INSYN2B: variants seen among roughly 807,000 people sequenced by gnomAD.
INSYN2B encodes inhibitory synaptic factor family member 2B.
Under a neutral mutation model 41.2 loss-of-function variants are expected in INSYN2B, and 16 were observed. The ratio of observed to expected loss-of-function variants is 0.39; its 90% confidence interval spans 0.26 to 0.59. The LOEUF is 0.59. Ranked by LOEUF, INSYN2B falls within the 20% of genes least tolerant of loss-of-function variation. The pLI is 0.57. For missense variants in INSYN2B, 608 were observed against 646.4 expected (o/e 0.94, Z 0.64); for synonymous variants, 245 against 244.4 (o/e 1.00, Z -0.02).
intron 2 of INSYN2B, 56 bp from the exon 3 acceptor site, chr5:169,881,498 A>G: frequency 7.2e-7 from 1 of 1,384,444 alleles, no homozygotes; most frequent in Non-Finnish European, 1.0e-6. Flanking sequence ...CGTGGGCCAC[A>G]AACATTCAAC....
chr5:169,930,059 C>G (rs1490896335), intron 1 of INSYN2B, among the ~76,000 whole-genome samples: 1 of 152,164 alleles, frequency 6.6e-6, no homozygotes, highest in Non-Finnish European at 1.5e-5. Flanking sequence ...GGCACGATCT[C>G]AGCTCACTGC....
At chr5:169,919,960 G>T (rs1401964004) in intron 1 of INSYN2B, among the ~76,000 whole-genome samples, 2 of 152,194 alleles carry the variant, frequency 1.3e-5, no homozygotes, top group African/African-American at 4.8e-5. Flanking sequence ...ACTACACTTT[G>T]TGTTAATGAA....
chr5:169,865,129 C>A (rs1343189898), intron 3 of INSYN2B, among the ~76,000 whole-genome samples: 1 of 152,176 alleles, frequency 6.6e-6, no homozygotes, highest in East Asian at 1.9e-4. Flanking sequence ...TTCCTCAATA[C>A]AGTGTATTTA....
chr5:169,979,156 C>T (rs1025188293), intron 1 of INSYN2B, among the ~76,000 whole-genome samples: 3 of 152,250 alleles, frequency 2.0e-5, no homozygotes, highest in South Asian at 4.1e-4. Context: ...TCCCTCCACC[C>T]CTCTGTTCCC....
At chr5:169,904,570 C>T (rs1223723355) in intron 1 of INSYN2B, among the ~76,000 whole-genome samples, 4 of 152,062 alleles carry the variant, frequency 2.6e-5, no homozygotes, top group Non-Finnish European at 5.9e-5. Context: ...TGCTGGCGAC[C>T]TCAGCAGCAC....
At chr5:169,948,074 G>A (rs1306039532) in intron 1 of INSYN2B, among the ~76,000 whole-genome samples, 1 of 152,040 alleles carries the variant, frequency 6.6e-6, no homozygotes, top group Non-Finnish European at 1.5e-5. Context: ...GTAAGGCACC[G>A]AGAGAAGAGC....
rs1399492344 is a variant in INSYN2B at position 169,961,976 on chromosome 5, C to CT, written c.-919+18300_-919+18301insA. On this transcript the variant is annotated intron_variant, in intron 1 of 3. Transcript: ENST00000377365. ...CCTGGGTGAAAAAGTGAGACTCTGT[C>CT]CCAAAAAAAAAAAAAAAAATGGAGA... 7.3e-3 allele frequency among the ~76,000 whole-genome samples: 96 copies of CT among 13,172 alleles called. 20 individuals carry two copies. The African/African-American group carries it at 0.18, about 24-fold the overall frequency. The allele number at this position is 13,172 out of a possible 152,430, so 8.6% of individuals were successfully genotyped here. A position where few individuals can be genotyped will look rare whatever the true frequency, so the allele number is the denominator to read the frequency against.
intron 3 of INSYN2B, among the ~76,000 whole-genome samples, chr5:169,867,949 A>G (rs964707538): frequency 6.6e-6 from 1 of 152,180 alleles, no homozygotes; most frequent in African/African-American, 2.4e-5. Flanking sequence ...CACCAGGAAC[A>G]CACATAGTTC....
intron 1 of INSYN2B, among the ~76,000 whole-genome samples, chr5:169,954,399 A>G (rs981014045): frequency 6.6e-6 from 1 of 152,120 alleles, no homozygotes; most frequent in Non-Finnish European, 1.5e-5. Context: ...ATCTATTTTG[A>G]TTTTTCAGTT....
At chr5:169,974,228 A>T (rs2113770501) in intron 1 of INSYN2B, among the ~76,000 whole-genome samples, 1 of 152,338 alleles carries the variant, frequency 6.6e-6, no homozygotes, top group South Asian at 2.1e-4. Flanking sequence ...ATCTACTGAA[A>T]GTTTGGAGGA....
intron 1 of INSYN2B, among the ~76,000 whole-genome samples, chr5:169,896,180 G>A (rs1773594505): frequency 2.0e-5 from 3 of 152,110 alleles, no homozygotes; most frequent in Admixed American, 2.0e-4. Context: ...CCTGGGGTCG[G>A]GGGGCGGGGA....
At chr5:169,957,710 C>T (rs1776924419) in intron 1 of INSYN2B, among the ~76,000 whole-genome samples, 1 of 152,120 alleles carries the variant, frequency 6.6e-6, no homozygotes, top group Non-Finnish European at 1.5e-5. Context: ...CCCAGAGTAC[C>T]CTGGCTTTGT....
At chr5:169,924,921 G>A (rs1380866872) in intron 1 of INSYN2B, among the ~76,000 whole-genome samples, 1 of 152,194 alleles carries the variant, frequency 6.6e-6, no homozygotes, top group Non-Finnish European at 1.5e-5. Context: ...GAAAATGGGA[G>A]TGTGTGTCCA....
chr5:169,888,752 T>C (rs911596503), intron 1 of INSYN2B, among the ~76,000 whole-genome samples: 3 of 152,212 alleles, frequency 2.0e-5, no homozygotes, highest in African/African-American at 7.2e-5. Context: ...GAGAATTAAA[T>C]GAAATAATCT....
chr5:169,946,245 G>A (rs1776443297), intron 1 of INSYN2B, among the ~76,000 whole-genome samples: 1 of 152,206 alleles, frequency 6.6e-6, no homozygotes, highest in Non-Finnish European at 1.5e-5. Flanking sequence ...GACTGCCACA[G>A]TGAAGAAAGC....
chr5:169,898,257 T>A (rs1773722536), intron 1 of INSYN2B, among the ~76,000 whole-genome samples: 1 of 152,184 alleles, frequency 6.6e-6, no homozygotes, highest in Non-Finnish European at 1.5e-5. Flanking sequence ...TGCCATGGTC[T>A]CCTTTCTCAT....
intron 1 of INSYN2B, among the ~76,000 whole-genome samples, chr5:169,966,374 A>G (rs1347385405): frequency 1.3e-5 from 2 of 152,156 alleles, no homozygotes; most frequent in East Asian, 3.9e-4. Flanking sequence ...TTACCACATA[A>G]CCCATTGATA....
chr5:169,923,264 G>A (rs949537377), intron 1 of INSYN2B, among the ~76,000 whole-genome samples: 1 of 152,058 alleles, frequency 6.6e-6, no homozygotes, highest in Admixed American at 6.5e-5. Context: ...GAGATGTCTG[G>A]GTGGTAAGCT....
rs574436323 is a variant in INSYN2B at position 169,919,055 on chromosome 5, G to A, written c.-918-34239C>T. Among the ~76,000 whole-genome samples the A allele has an allele frequency of 5.9e-5, 9 of 152,236 alleles. No individual in the cohort carries two copies. The East Asian group carries it at 1.3e-3, about 23-fold the overall frequency. On this transcript the variant is annotated intron_variant, in intron 1 of 3. Coordinates refer to ENST00000377365, the MANE Select transcript of INSYN2B (RefSeq NM_001129891.3). ...TTTGGATTCAATATGGTGGTCAAGG[G>A]TGACTTTAACCATAATATTTCAGCC...
Sources: allele counts gnomAD v4.1 joint callset (sites outside exome capture counted in the v4.1 genomes callset), GRCh38; gene constraint gnomAD v4.1.1; transcripts MANE v1.5; gene names NCBI Gene and HGNC (gene_info 2026-07-23, HGNC 2026-07-21).